PTPRC: variants seen among roughly 807,000 people sequenced by gnomAD.
PTPRC encodes the protein protein tyrosine phosphatase receptor type C.
Under a neutral mutation model 155.9 loss-of-function variants are expected in PTPRC, and 44 were observed. That is an observed-to-expected ratio of 0.28 (90% CI 0.22 to 0.36). The LOEUF is 0.36. PTPRC is among the 10% of genes least tolerant of loss of function. PTPRC has a pLI of 1.00. For synonymous variants in PTPRC, 525 were observed against 533.1 expected (o/e 0.98, Z 0.21); for missense variants, 1,401 against 1,564.6 (o/e 0.90, Z 1.76).
chr1:198,731,514 G>C, intron 17 of PTPRC, 103 bp from the exon 18 acceptor site: 1 of 840,198 alleles, frequency 1.2e-6, no homozygotes. Flanking sequence ...GTACGAGGAG[G>C]AAAGAAGCTA....
Position 198,741,975 on chromosome 1 carries a change from G to C in PTPRC, c.2510G>C (p.Arg837Thr). The change falls in exon 24 of 33, where the codon AGA (arginine) becomes ACA (threonine). Residue 837 changes from arginine to threonine, a missense_variant. Coordinates refer to ENST00000442510, the MANE Select transcript of PTPRC (RefSeq NM_002838.5). ...CACTTGCTCCTCAAACTGAGAAGGA[G>C]AGTGAATGCCTTCAGCAATTTCTTC... is the stretch of plus-strand genomic sequence containing the variant. ...DPHLLLKLRR[R>T]VNAFSNFFSG... The C allele has an allele frequency of 1.2e-6, 2 of 1,611,864 alleles. No homozygotes were observed. Among genetic ancestry groups the C allele is most frequent in the Non-Finnish European group, 1.7e-6 (2 of 1,178,892 alleles).
At position 198,691,629 on chromosome 1, in the gene PTPRC, C is replaced by T. The variant is rs144612411; in HGVS notation, c.74-718C>T. Among the ~76,000 whole-genome samples the T allele has an allele frequency of 4.3e-4, 65 of 152,192 alleles. No homozygotes were observed. The East Asian group carries it at 0.012, about 28-fold the overall frequency. On this transcript the variant is annotated intron_variant, in intron 2 of 32. Coordinates refer to ENST00000442510, the MANE Select transcript of PTPRC (RefSeq NM_002838.5). Reference sequence around the variant, plus strand: ...AAAATTCAAATGTTTCTCCTTTAGGCCTCCCTTTAAAGACATCCCTTTAAT... The same window carrying T: ...AAAATTCAAATGTTTCTCCTTTAGGTCTCCCTTTAAAGACATCCCTTTAAT...
chr1:198,660,663 A>G (rs1663911505), intron 2 of PTPRC: 1 of 152,158 alleles, frequency 6.6e-6, no homozygotes, highest in Non-Finnish European at 1.5e-5. Context: ...TGGAATATTC[A>G]GAGAAGACTT....
At chr1:198,687,828 G>A (rs1229808677) in intron 2 of PTPRC, among the ~76,000 whole-genome samples, 1 of 151,548 alleles carries the variant, frequency 6.6e-6, no homozygotes, top group African/African-American at 2.4e-5. Context: ...TTTCCTTAGG[G>A]GCATTGGCTT....
chr1:198,672,851 C>T (rs1383570838), intron 2 of PTPRC, among the ~76,000 whole-genome samples: 1 of 152,162 alleles, frequency 6.6e-6, no homozygotes, highest in Admixed American at 6.5e-5. Flanking sequence ...ACCTTGCTTC[C>T]TAAGTTCCAC....
In PTPRC at chr1:198,744,149, C is replaced by A. The variant is rs149625776; in HGVS notation, c.2793C>A (p.Asn931Lys). 6 of 1,605,020 alleles carry A rather than the reference C, an allele frequency of 3.7e-6. No individual in the cohort carries two copies. The African/African-American group carries it at 8.0e-5, about 22-fold the overall frequency. ...NLSELHPYLHNMKKRDPPSEP... is the reference protein window; with the variant it reads ...NLSELHPYLHKMKKRDPPSEP... ...CTGAATTACATCCATATCTACATAA[C>A]ATGAAGAAAAGGGATCCACCCAGTG... The change falls in exon 26 of 33, where the codon AAC becomes AAA. Residue 931 changes from asparagine (N) to lysine (K), a missense_variant. Coordinates refer to ENST00000442510, the MANE Select transcript of PTPRC (RefSeq NM_002838.5).
chr1:198,694,546 G>T, intron 3 of PTPRC: 1 of 989,822 alleles, frequency 1.0e-6, no homozygotes, highest in Non-Finnish European at 1.2e-6. Context: ...GAGTGAGAGT[G>T]GACGATAAAG....
intron 26 of PTPRC, among the ~76,000 whole-genome samples, chr1:198,746,488 T>C (rs1407048753): frequency 6.7e-6 from 1 of 148,544 alleles, no homozygotes; most frequent in Non-Finnish European, 1.5e-5. Context: ...AAGGGTGAAG[T>C]GACTGTTGGG....
chr1:198,682,575 T>C (rs1186685423), intron 2 of PTPRC, among the ~76,000 whole-genome samples: 1 of 152,208 alleles, frequency 6.6e-6, no homozygotes, highest in Non-Finnish European at 1.5e-5. Flanking sequence ...CTGTTTATTT[T>C]CTATGGGGAG....
chr1:198,746,481 G>A (rs1368639829), intron 26 of PTPRC, among the ~76,000 whole-genome samples: 1 of 151,684 alleles, frequency 6.6e-6, no homozygotes, highest in African/African-American at 2.4e-5. Context: ...AAAAAAAAAG[G>A]GTGAAGTGAC....
intron 2 of PTPRC, among the ~76,000 whole-genome samples, chr1:198,646,090 C>T (rs1436353404): frequency 6.6e-6 from 1 of 151,752 alleles, no homozygotes; most frequent in Non-Finnish European, 1.5e-5. Context: ...AATATACCAA[C>T]ATTTATGAGT....
chr1:198,661,424 C>G (rs1260501330), intron 2 of PTPRC, among the ~76,000 whole-genome samples: 1 of 151,080 alleles, frequency 6.6e-6, no homozygotes, highest in African/African-American at 2.4e-5. Flanking sequence ...CACTTTTTTG[C>G]ATTTTTACAA....
rs200065664 is a variant in PTPRC at position 198,741,970 on chromosome 1, A to T, written c.2505A>T (p.Arg835Ser). 6.2e-7 allele frequency: 1 copy of T among 1,612,014 alleles called. No individual in the cohort carries two copies. The highest frequency in any genetic ancestry group is 8.5e-7 in the Non-Finnish European group (1 of 1,178,986). ...PEDPHLLLKL[R>S]RRVNAFSNFF... Reference sequence around the variant, plus strand: ...ATCCTCACTTGCTCCTCAAACTGAGAAGGAGAGTGAATGCCTTCAGCAATT... The same window carrying T: ...ATCCTCACTTGCTCCTCAAACTGAGTAGGAGAGTGAATGCCTTCAGCAATT... Residue 835 changes from arginine (R) to serine (S), a missense_variant, in exon 24 of 33, where the codon AGA becomes AGT. Arg to Ser is a moderately radical substitution (Grantham distance 110). This residue lies in a region of PTPRC where 134 missense variants were observed against 204.7 expected (regional missense o/e 0.65). Coordinates refer to ENST00000442510, the MANE Select transcript of PTPRC (RefSeq NM_002838.5).
chr1:198,755,989 A>AGAT lies in PTPRC; in HGVS notation c.3730_3732dup (p.Asp1244dup). The AGAT allele has an allele frequency of 6.2e-7, 1 of 1,613,334 alleles. No individual in the cohort carries two copies. Among genetic ancestry groups the AGAT allele is most frequent in the South Asian group, 1.1e-5 (1 of 91,068 alleles). ...AAGTAAAGAAAAACAACCATCAAGA[A>AGAT]GATAAAATTGAATTTGATAATGAAG... On this transcript the variant is annotated inframe_insertion, in exon 33 of 33. Coordinates refer to ENST00000442510, the MANE Select transcript of PTPRC (RefSeq NM_002838.5).
chr1:198,700,777 C>G (rs1183408219), intron 5 of PTPRC, among the ~76,000 whole-genome samples: 2 of 152,218 alleles, frequency 1.3e-5, no homozygotes, highest in Non-Finnish European at 2.9e-5. Flanking sequence ...GATGAAAAAT[C>G]TATTAGGATT....
intron 2 of PTPRC, among the ~76,000 whole-genome samples, chr1:198,658,555 C>T (rs943691999): frequency 1.3e-5 from 2 of 152,038 alleles, no homozygotes; most frequent in African/African-American, 4.8e-5. Flanking sequence ...ATTTCTTGTC[C>T]TGAAGTGGTA....
intron 2 of PTPRC, 129 bp from the exon 3 acceptor site, chr1:198,692,218 C>A: frequency 1.7e-6 from 1 of 576,430 alleles, no homozygotes; most frequent in Non-Finnish European, 2.9e-6. Flanking sequence ...AGGGTAAAAG[C>A]TACTGAAAAT....
At chr1:198,683,239 C>A (rs1665439007) in intron 2 of PTPRC, among the ~76,000 whole-genome samples, 1 of 152,050 alleles carries the variant, frequency 6.6e-6, no homozygotes, top group African/African-American at 2.4e-5. Flanking sequence ...CACATAGTAC[C>A]CGCTTATTAA....
At position 198,757,018 on chromosome 1, in the gene PTPRC, T is replaced by TATTA. The variant is rs1369983416; in HGVS notation, c.*840_*843dup. ...CATTAAAATAAATAAATGCAATATG[T>TATTA]ATTAATATTCATTGTATAAAAATAG... is the stretch of plus-strand genomic sequence containing the variant. On this transcript the variant is annotated 3_prime_UTR_variant, in exon 33 of 33. Coordinates refer to ENST00000442510, the MANE Select transcript of PTPRC (RefSeq NM_002838.5). 5 of 151,924 alleles carry TATTA rather than the reference T, an allele frequency of 3.3e-5. No homozygotes were observed. The highest frequency in any genetic ancestry group is 7.4e-5 in the Non-Finnish European group (5 of 67,852). The allele number at this position is 151,924 out of a possible 1,614,324, so 9.4% of individuals were successfully genotyped here. A position where few individuals can be genotyped will look rare whatever the true frequency, so the allele number is the denominator to read the frequency against.
Sources: allele counts gnomAD v4.1 joint callset (sites outside exome capture counted in the v4.1 genomes callset), GRCh38; gene constraint gnomAD v4.1.1; regional missense constraint gnomAD v4.1.1; transcripts MANE v1.5; gene names NCBI Gene and HGNC (gene_info 2026-07-23, HGNC 2026-07-21).